Variants in FMOD observed in about 807,000 individuals in gnomAD.
The protein encoded by FMOD is fibromodulin.
In FMOD, 15 loss-of-function variants were observed where a neutral mutation model predicts 27.0. The observed-to-expected ratio is 0.55, with a 90% CI of 0.37 to 0.85. The LOEUF is 0.85. Ranked by LOEUF, FMOD falls within the 40% of genes least tolerant of loss-of-function variation. FMOD has a pLI of 0.00. For missense variants in FMOD, 460 were observed against 483.2 expected (o/e 0.95, Z 0.45); for synonymous variants, 210 against 214.0 (o/e 0.98, Z 0.16).
chr1:203,347,848 G>A lies in FMOD; in HGVS notation c.423C>T (p.Ile141=). ...CCTTCCTGCCCACCTTATCACTGGT[G>A]ATCTGGTTGCCGTGGAGAGCAATCC... ...LLWIALHGNQ[I]TSDKVGRKVF... The change falls in exon 2 of 3, where the codon ATC becomes ATT. Residue 141 remains isoleucine, a synonymous_variant. Transcript: ENST00000354955. 3.7e-6 allele frequency: 6 copies of A among 1,614,176 alleles called. No individual in the cohort carries two copies. The highest frequency in any genetic ancestry group is 5.1e-6 in the Non-Finnish European group (6 of 1,180,036).
intron 2 of FMOD, among the ~76,000 whole-genome samples, chr1:203,346,466 A>G (rs1237842010): frequency 2.0e-5 from 3 of 148,726 alleles, no homozygotes; most frequent in African/African-American, 7.4e-5. Flanking sequence ...TCCATCTGAA[A>G]TGAATATTTC....
chr1:203,346,347 C>G lies in FMOD; in HGVS notation c.979+945G>C, dbSNP rs535895574. Among the ~76,000 whole-genome samples the G allele has an allele frequency of 6.6e-5, 10 of 152,068 alleles. No individual in the cohort carries two copies. The East Asian group carries it at 1.9e-3, about 29-fold the overall frequency. Reference sequence around the variant, plus strand: ...GACAGGAAGGGAGGTCAAGTGCTGGCTCAGTACCTTCCAGCTGGGATTAAG... The same window carrying G: ...GACAGGAAGGGAGGTCAAGTGCTGGGTCAGTACCTTCCAGCTGGGATTAAG... On this transcript the variant is annotated intron_variant, in intron 2 of 2. Coordinates refer to ENST00000354955, the MANE Select transcript of FMOD (RefSeq NM_002023.5).
chr1:203,344,259 T>C (rs1658847669), intron 2 of FMOD, among the ~76,000 whole-genome samples: 1 of 152,168 alleles, frequency 6.6e-6, no homozygotes, highest in Admixed American at 6.5e-5. Flanking sequence ...TGATAGATTC[T>C]TTCCCAGCCT....
At chr1:203,349,149 G>C (rs1395009981) in intron 1 of FMOD, among the ~76,000 whole-genome samples, 2 of 152,254 alleles carry the variant, frequency 1.3e-5, no homozygotes, top group Non-Finnish European at 2.9e-5. Context: ...TAAGGTGTTA[G>C]CACTCCTCAT....
chr1:203,346,903 A>T (rs961031351), intron 2 of FMOD, among the ~76,000 whole-genome samples: 1 of 152,152 alleles, frequency 6.6e-6, no homozygotes, highest in South Asian at 2.1e-4. Context: ...TTCATCTCAG[A>T]CACGTGACAT....
intron 2 of FMOD, among the ~76,000 whole-genome samples, chr1:203,345,482 G>A (rs1029053312): frequency 1.3e-4 from 20 of 152,214 alleles, no homozygotes; most frequent in Non-Finnish European, 2.5e-4. Context: ...CACAGCATAC[G>A]TGTGACATTT....
At position 203,347,806 on chromosome 1, in the gene FMOD, C is replaced by A; in HGVS notation, c.465G>T (p.Arg155Ser). The A allele has an allele frequency of 6.2e-7, 1 of 1,613,870 alleles. No homozygotes were observed. The highest frequency in any genetic ancestry group is 8.5e-7 in the Non-Finnish European group (1 of 1,180,008). ...KVGRKVFSKL[R>S]HLERLYLDHN... ...GGTCCAGGTACAGCCTCTCCAGGTG[C>A]CTCAGCTTGGAGAAGACCTTCCTGC... The change falls in exon 2 of 3, where the codon AGG (arginine) becomes AGT (serine). Residue 155 changes from arginine (R) to serine (S), a missense_variant. By Grantham distance (110) the Arg-to-Ser change is moderately radical. Transcript: ENST00000354955.
At position 203,341,960 on chromosome 1, in the gene FMOD, A is replaced by C. The variant is rs1312017340; in HGVS notation, c.*383T>G. 5.8e-6 allele frequency: 1 copy of C among 172,166 alleles called. No homozygotes were observed. The highest frequency in any genetic ancestry group is 6.2e-5 in the Admixed American group (1 of 16,198). The allele number at this position is 172,166 out of a possible 1,614,324, so 10.7% of individuals were successfully genotyped here. ...AGCCCAGCACAGAGGGAGAGCTGTC[A>C]AGTGCTGCTCACAGACAGCCAGGGA... is the stretch of plus-strand genomic sequence containing the variant. On this transcript the variant is annotated 3_prime_UTR_variant, in exon 3 of 3. Transcript: ENST00000354955.
Position 203,345,787 on chromosome 1 carries a change from A to T in FMOD, c.979+1505T>A, listed in dbSNP as rs924301193. ...GTGGCAGGCGCCTGTAGTCGCAGCT[A>T]CTCAAGAGGCTGAGGCAGGAGAATG... On this transcript the variant is annotated intron_variant, in intron 2 of 2. Transcript: ENST00000354955. 3.3e-5 allele frequency among the ~76,000 whole-genome samples: 5 copies of T among 151,616 alleles called. No individual in the cohort carries two copies. In the East Asian group the frequency reaches 9.7e-4, roughly 30 times the overall value.
chr1:203,347,061 T>C (rs1021052903), intron 2 of FMOD, among the ~76,000 whole-genome samples: 1 of 152,196 alleles, frequency 6.6e-6, no homozygotes, highest in African/African-American at 2.4e-5. Flanking sequence ...TTACCTCTCC[T>C]GGAAAGTCTT....
In FMOD at chr1:203,347,580, TCAGGTC is replaced by T; in HGVS notation, c.685_690del (p.Asp229_Leu230del). The T allele has an allele frequency of 6.2e-7, 1 of 1,614,116 alleles. No individual in the cohort carries two copies. The highest frequency in any genetic ancestry group is 8.5e-7 in the Non-Finnish European group (1 of 1,180,014). On this transcript the variant is annotated inframe_deletion, in exon 2 of 3. Coordinates refer to ENST00000354955, the MANE Select transcript of FMOD (RefSeq NM_002023.5). ...GGCACCTTCCGAAGGTGGTTATAAC[TCAGGTC>T]CAGCAAGATCAGTGACCGGAGGCCC...
chr1:203,342,839 A>G (rs1012352314), intron 2 of FMOD, among the ~76,000 whole-genome samples: 2 of 151,888 alleles, frequency 1.3e-5, no homozygotes, highest in Admixed American at 1.3e-4. Context: ...AGTAGGAAGC[A>G]GAGGGTAGCC....
At chr1:203,345,470 A>G (rs1658871199) in intron 2 of FMOD, among the ~76,000 whole-genome samples, 2 of 152,226 alleles carry the variant, frequency 1.3e-5, no homozygotes, top group South Asian at 4.1e-4. Flanking sequence ...ACTTGGATGA[A>G]GCACAGCATA....
chr1:203,340,949 A>C lies in FMOD; in HGVS notation c.*1394T>G, dbSNP rs2102299765. Reference sequence around the variant, plus strand: ...CCTATACTTGGGCTAACTCTCCTCCAACAGTCCTTGCCCCTGACTGCCCAG... The same window carrying C: ...CCTATACTTGGGCTAACTCTCCTCCCACAGTCCTTGCCCCTGACTGCCCAG... On this transcript the variant is annotated 3_prime_UTR_variant, in exon 3 of 3. Coordinates refer to ENST00000354955, the MANE Select transcript of FMOD (RefSeq NM_002023.5). The C allele has an allele frequency of 6.6e-6, 1 of 152,406 alleles. No homozygotes were observed. Among genetic ancestry groups the C allele is most frequent in the Non-Finnish European group, 1.5e-5 (1 of 68,044 alleles). 9.4% of individuals were successfully genotyped at this position (152,406 alleles called of 1,614,324 possible).
rs112986235 is a variant in FMOD, at chr1:203,345,522, T to C, written c.979+1770A>G. 8.3e-3 allele frequency among the ~76,000 whole-genome samples: 1,268 copies of C among 152,296 alleles called. 10 individuals are homozygous for C. Among genetic ancestry groups the C allele is most frequent in the African/African-American group, 0.027 (1,143 of 41,570 alleles). ...TGTGACTGCTCCTGGATTCAGAGTG[T>C]GTGGCAGGTAAGTAGTGGTAACTGC... On this transcript the variant is annotated intron_variant, in intron 2 of 2. Coordinates refer to ENST00000354955, the MANE Select transcript of FMOD (RefSeq NM_002023.5).
chr1:203,344,199 C>T (rs1488445314), intron 2 of FMOD, among the ~76,000 whole-genome samples: 2 of 152,116 alleles, frequency 1.3e-5, no homozygotes, highest in Admixed American at 6.5e-5. Context: ...CAAAGTGGCT[C>T]AGCTTAAGTA....
chr1:203,342,552 C>T, intron 2 of FMOD, 58 bp from the exon 3 acceptor site: 1 of 1,552,510 alleles, frequency 6.4e-7, no homozygotes, highest in Non-Finnish European at 8.8e-7. Context: ...GAACCTGAAG[C>T]CACAGTGAGA....
In FMOD at chr1:203,347,923, C is replaced by G; in HGVS notation, c.348G>C (p.Gln116His). 1 of 1,612,214 alleles carries G rather than the reference C, an allele frequency of 6.2e-7. No individual in the cohort carries two copies. Among genetic ancestry groups the G allele is most frequent in the African/African-American group, 1.3e-5 (1 of 74,986 alleles). Residue 116 changes from glutamine to histidine, a missense_variant, in exon 2 of 3, where the codon CAG becomes CAC. Transcript: ENST00000354955. ...AGACGCCTTCCTGGATGGAGGTGAT[C>G]TGGTTGTTCTGGAAGTACACATACT... ...RMKYVYFQNN[Q>H]ITSIQEGVFD...
At chr1:203,348,548 A>G (rs10920615) in intron 1 of FMOD, among the ~76,000 whole-genome samples, 121,269 of 151,908 alleles carry the variant, frequency 0.8, 48,711 homozygotes, top group Non-Finnish European at 0.83. Context: ...GAATGGGAAC[A>G]GCTGCATTTT....
Sources: gnomAD v4.1 joint callset for allele counts (sites outside exome capture counted in the v4.1 genomes callset) on GRCh38, gnomAD v4.1.1 for gene constraint, MANE v1.5 for transcripts, NCBI Gene and HGNC (gene_info 2026-07-23, HGNC 2026-07-21) for gene names.